Variants in MAP4 observed in about 807,000 individuals in gnomAD.
The protein encoded by MAP4 is microtubule associated protein 4.
Under a neutral mutation model 170.2 loss-of-function variants are expected in MAP4, and 76 were observed. That is an observed-to-expected ratio of 0.45 (90% CI 0.37 to 0.54). The LOEUF (loss-of-function observed/expected upper bound fraction) is 0.54. Among genes scored for constraint, MAP4 ranks in the 20% least tolerant of loss-of-function variants. The pLI, the probability that MAP4 is intolerant of heterozygous loss-of-function variation, is 0.00. For missense variants in MAP4, 2,506 were observed against 2,748.0 expected, an observed-to-expected ratio of 0.91 and a Z score of 1.97; for synonymous variants, 909 against 994.5, an observed-to-expected ratio of 0.91 and a Z score of 1.62.
chr3:47,906,630 C>A (rs1329511635), intron 9 of MAP4, among the ~76,000 whole-genome samples: 4 of 150,990 alleles, frequency 2.6e-5, no homozygotes, highest in Non-Finnish European at 5.9e-5. Context: ...TTGCGGTGAA[C>A]TGAGATCATG....
intron 3 of MAP4, chr3:47,974,437 A>G (rs556463552): frequency 2.0e-6 from 2 of 979,778 alleles, no homozygotes; most frequent in East Asian, 1.1e-4. Context: ...ACAAAAAACA[A>G]TGTATATCTC....
intron 17 of MAP4, 54 bp from the exon 18 acceptor site, chr3:47,857,566 C>A: frequency 8.5e-7 from 1 of 1,176,010 alleles, no homozygotes; most frequent in South Asian, 1.2e-5. Context: ...CTGTCAGAGC[C>A]AACCCCATGC....
At chr3:47,972,675 A>T (rs1056249260) in intron 3 of MAP4, among the ~76,000 whole-genome samples, 5 of 152,170 alleles carry the variant, frequency 3.3e-5, no homozygotes, top group South Asian at 2.1e-4. Context: ...TCATGAGGTC[A>T]GGAGATCGAG....
intron 4 of MAP4, among the ~76,000 whole-genome samples, chr3:47,926,271 C>T (rs949038584): frequency 1.3e-5 from 2 of 151,796 alleles, no homozygotes; most frequent in Admixed American, 6.6e-5. Flanking sequence ...GCAACCTCTG[C>T]CTCCCGGGCT....
intron 1 of MAP4, among the ~76,000 whole-genome samples, chr3:48,083,119 A>G (rs756866148): frequency 1.9e-4 from 29 of 152,202 alleles, no homozygotes; most frequent in Non-Finnish European, 3.8e-4. Context: ...CAGGAAAAGG[A>G]CATCAGTGGA....
chr3:48,063,871 C>T (rs1692717674), intron 1 of MAP4, among the ~76,000 whole-genome samples: 2 of 152,088 alleles, frequency 1.3e-5, no homozygotes, highest in African/African-American at 4.8e-5. Context: ...AGGTGGAGTA[C>T]AGGGGATTTT....
rs140695757 is a variant in MAP4 at position 47,956,740 on chromosome 3, G to A, written c.292+21125C>T. On this transcript the variant is annotated intron_variant, in intron 3 of 20. Coordinates refer to ENST00000683076, the MANE Select transcript of MAP4 (RefSeq NM_001385682.1). ...TTAATAAGCAAGTTGACAAAATGAC[G>A]TACTTCATGAATATAAATGTTAGAC... Among the ~76,000 whole-genome samples, 111 of 152,246 alleles carry A rather than the reference G, an allele frequency of 7.3e-4. 1 individual carries two copies. Among genetic ancestry groups the A allele is most frequent in the African/African-American group, 2.4e-3 (100 of 41,546 alleles).
chr3:48,019,852 G>T (rs1461781923), upstream of MAP4, among the ~76,000 whole-genome samples: 3 of 152,188 alleles, frequency 2.0e-5, no homozygotes, highest in Admixed American at 2.0e-4. Context: ...ACTCCAGCCT[G>T]GGCTACAGAG....
intron 3 of MAP4, among the ~76,000 whole-genome samples, chr3:47,954,860 A>C (rs1432384240): frequency 6.6e-6 from 1 of 152,208 alleles, no homozygotes; most frequent in African/African-American, 2.4e-5. Context: ...AAATACTTGG[A>C]ACAGACATAC....
At chr3:47,952,559 T>G (rs1196371651) in intron 3 of MAP4, among the ~76,000 whole-genome samples, 1 of 152,130 alleles carries the variant, frequency 6.6e-6, no homozygotes, top group Non-Finnish European at 1.5e-5. Flanking sequence ...TCTTCTGCCT[T>G]GGGATCCTGT....
chr3:47,870,260 C>G (rs1479664600), intron 15 of MAP4, among the ~76,000 whole-genome samples: 1 of 152,174 alleles, frequency 6.6e-6, no homozygotes, highest in Non-Finnish European at 1.5e-5. Context: ...AAGTGAAGCA[C>G]TGTGATCTTT....
At chr3:47,931,237 C>T (rs997518326) in intron 3 of MAP4, among the ~76,000 whole-genome samples, 1 of 151,818 alleles carries the variant, frequency 6.6e-6, no homozygotes, top group African/African-American at 2.4e-5. Flanking sequence ...AAAAATTAGC[C>T]AAGCATGGTG....
intron 3 of MAP4, among the ~76,000 whole-genome samples, chr3:47,931,513 T>C (rs909534646): frequency 6.6e-6 from 1 of 152,156 alleles, no homozygotes; most frequent in Non-Finnish European, 1.5e-5. Context: ...GGTCTTGCTC[T>C]GTCATCCAGG....
chr3:47,961,094 TG>T (rs2100071314), intron 3 of MAP4: 1 of 153,390 alleles, frequency 6.5e-6, no homozygotes, highest in Non-Finnish European at 1.5e-5. Flanking sequence ...TCACTGTCAG[TG>T]ATACTGCCAC....
intron 1 of MAP4, among the ~76,000 whole-genome samples, chr3:48,054,353 C>T (rs2100129488): frequency 2.0e-5 from 3 of 151,010 alleles, no homozygotes; most frequent in Non-Finnish European, 4.4e-5. Context: ...AGGCCAGGCA[C>T]GGTGGCTCAC....
In MAP4 at chr3:47,910,577, C is replaced by A; in HGVS notation, c.3844G>T (p.Glu1282Ter). 6.5e-7 allele frequency: 1 copy of A among 1,536,108 alleles called. No homozygotes were observed. The highest frequency in any genetic ancestry group is 1.2e-5 in the South Asian group (1 of 84,050). ...TTTCCACCCTTCCTGTCAACTGCTTCCACTGTGGGTGTATCTGGTGTATGT... is the reference window on the plus strand; with the variant it reads ...TTTCCACCCTTCCTGTCAACTGCTTACACTGTGGGTGTATCTGGTGTATGT... ...FSHTPDTPTV[E>*]AVDRKGGNFQ... Residue 1282 changes from glutamate to a stop codon, truncating the protein, a stop_gained, in exon 9 of 21, where the codon GAA becomes TAA. Coordinates refer to ENST00000683076, the MANE Select transcript of MAP4 (RefSeq NM_001385682.1). LOFTEE classifies it high-confidence loss of function.
chr3:47,897,256 A>G (rs2100027367), intron 10 of MAP4, among the ~76,000 whole-genome samples: 1 of 152,052 alleles, frequency 6.6e-6, no homozygotes, highest in Non-Finnish European at 1.5e-5. Context: ...CTTCCGGAGT[A>G]GCTGGGATTA....
intron 4 of MAP4, among the ~76,000 whole-genome samples, chr3:47,924,785 AAC>A (rs1159253949): frequency 1.3e-5 from 2 of 151,820 alleles, no homozygotes; most frequent in East Asian, 1.9e-4. Flanking sequence ...ATGATTAGTA[AAC>A]ACAGAGTGAT....
At chr3:47,969,262 G>C (rs947377660) in intron 3 of MAP4, among the ~76,000 whole-genome samples, 2 of 152,052 alleles carry the variant, frequency 1.3e-5, no homozygotes, top group African/African-American at 4.8e-5. Flanking sequence ...ACAAAAATTA[G>C]CCAGACATGG....
Sources: allele counts gnomAD v4.1 joint callset (sites outside exome capture counted in the v4.1 genomes callset), GRCh38; gene constraint gnomAD v4.1.1; transcripts MANE v1.5; gene names NCBI Gene and HGNC (gene_info 2026-07-23, HGNC 2026-07-21).